Variants in PLCB1 observed in about 807,000 individuals in gnomAD.
PLCB1 encodes the protein phospholipase C beta 1.
A neutral mutation model predicts 161.8 loss-of-function variants in PLCB1; 46 were observed. The observed-to-expected ratio is 0.28, with a 90% confidence interval of 0.22 to 0.36. The LOEUF (loss-of-function observed/expected upper bound fraction) is 0.36, where lower values mean the gene tolerates loss of function less well. Among genes scored for constraint, PLCB1 ranks in the 10% least tolerant of loss-of-function variants. PLCB1 has a pLI of 1.00. For synonymous variants in PLCB1, 517 were observed against 503.7 expected (o/e 1.03, Z -0.35); for missense variants, 1,016 against 1,472.5 (o/e 0.69, Z 5.07).
intron 1 of PLCB1, among the ~76,000 whole-genome samples, chr20:8,138,345 A>C (rs117910204): frequency 0.011 from 1,741 of 152,348 alleles, 24 homozygotes; most frequent in Middle Eastern, 0.031. Flanking sequence ...ATGTTTCCTT[A>C]TCAGAATTGT....
rs567675450 is a variant in PLCB1, at chr20:8,841,253, C to A, written c.3424-40369C>A. 4.6e-5 allele frequency among the ~76,000 whole-genome samples: 7 copies of A among 152,280 alleles called. No individual in the cohort carries two copies. The South Asian group carries it at 1.5e-3, about 32-fold the overall frequency. ...TATAGAGAAATAGCCTGGTGTTATC[C>A]TACAAGACAATTTCCTTAAAATGTG... On this transcript the variant is annotated intron_variant, in intron 31 of 31. Transcript: ENST00000338037.
At chr20:8,399,038 G>A (rs79204969) in intron 3 of PLCB1, among the ~76,000 whole-genome samples, 1 of 147,842 alleles carries the variant, frequency 6.8e-6, no homozygotes, top group East Asian at 2.0e-4. Flanking sequence ...CAGTTAGTAA[G>A]TCTTTATTCA....
At chr20:8,656,402 T>C (rs1222683953) in intron 7 of PLCB1, among the ~76,000 whole-genome samples, 1 of 151,986 alleles carries the variant, frequency 6.6e-6, no homozygotes, top group East Asian at 1.9e-4. Context: ...TGTTCTTTTG[T>C]TTAAGGGCTT....
At chr20:8,554,148 A>G (rs1331977313) in intron 3 of PLCB1, among the ~76,000 whole-genome samples, 1 of 151,968 alleles carries the variant, frequency 6.6e-6, no homozygotes, top group Non-Finnish European at 1.5e-5. Context: ...ACTCTCATAC[A>G]GGGGTGATAT....
At chr20:8,417,329 A>G (rs746535434) in intron 3 of PLCB1, among the ~76,000 whole-genome samples, 3 of 151,230 alleles carry the variant, frequency 2.0e-5, no homozygotes, top group Non-Finnish European at 2.9e-5. Flanking sequence ...GTGTGTATAT[A>G]TTATGTATAC....
chr20:8,791,934 C>A (rs207477351), intron 31 of PLCB1, among the ~76,000 whole-genome samples: 1 of 152,250 alleles, frequency 6.6e-6, no homozygotes, highest in African/African-American at 2.4e-5. Context: ...TTACAATAAG[C>A]CCAATTAAAA....
At chr20:8,236,455 C>T (rs1980331487) in intron 2 of PLCB1, among the ~76,000 whole-genome samples, 1 of 151,964 alleles carries the variant, frequency 6.6e-6, no homozygotes, top group African/African-American at 2.4e-5. Flanking sequence ...ATCGCTTGAG[C>T]CCAGGAGTTT....
chr20:8,798,291 TAG>T (rs1984124806), intron 31 of PLCB1, among the ~76,000 whole-genome samples: 1 of 151,950 alleles, frequency 6.6e-6, no homozygotes, highest in South Asian at 2.1e-4. Flanking sequence ...TTACCAGAAA[TAG>T]AAAGTCCCCA....
chr20:8,368,049 C>T (rs1986774323), intron 2 of PLCB1, among the ~76,000 whole-genome samples: 1 of 152,144 alleles, frequency 6.6e-6, no homozygotes. Context: ...AACTACCCTT[C>T]CGTGGCTTGG....
chr20:8,629,812 C>CTTT, intron 4 of PLCB1, among the ~76,000 whole-genome samples: 1 of 78,616 alleles, frequency 1.3e-5, no homozygotes, highest in Non-Finnish European at 2.8e-5. Flanking sequence ...TCTTTCTTTT[C>CTTT]TTTCTTTTCT....
chr20:8,876,642 C>T (rs1987790286), intron 31 of PLCB1, among the ~76,000 whole-genome samples: 1 of 152,206 alleles, frequency 6.6e-6, no homozygotes, highest in Admixed American at 6.5e-5. Flanking sequence ...TGAACTGGTT[C>T]TGGTCTGGAC....
At chr20:8,808,917 GAAAT>G (rs1432059478) in intron 31 of PLCB1, among the ~76,000 whole-genome samples, 5 of 152,122 alleles carry the variant, frequency 3.3e-5, no homozygotes, top group African/African-American at 9.7e-5. Context: ...AACTTTCAAT[GAAAT>G]AAATTTATTC....
At position 8,668,416 on chromosome 20, in the gene PLCB1, T is replaced by C. The variant is rs1282685018; in HGVS notation, c.862+9712T>C. Among the ~76,000 whole-genome samples, 4 of 152,180 alleles carry C rather than the reference T, an allele frequency of 2.6e-5. No individual in the cohort carries two copies. The East Asian group carries it at 5.8e-4, about 22-fold the overall frequency. On this transcript the variant is annotated intron_variant, in intron 9 of 31. Coordinates refer to ENST00000338037, the MANE Select transcript of PLCB1 (RefSeq NM_015192.4). ...TAACAGGAGAGTTAATTGAGAATGATGGACAAAATCAAGCTTCTTACCTAA... is the reference window on the plus strand; with the variant it reads ...TAACAGGAGAGTTAATTGAGAATGACGGACAAAATCAAGCTTCTTACCTAA...
At chr20:8,797,093 A>G (rs1303360842) in intron 31 of PLCB1, among the ~76,000 whole-genome samples, 1 of 152,174 alleles carries the variant, frequency 6.6e-6, no homozygotes, top group Non-Finnish European at 1.5e-5. Flanking sequence ...TTCACTGGAT[A>G]TAAAATTTTG....
chr20:8,635,225 T>C (rs1315859511), intron 4 of PLCB1, among the ~76,000 whole-genome samples: 1 of 151,866 alleles, frequency 6.6e-6, no homozygotes, highest in African/African-American at 2.4e-5. Context: ...AGCTTAGTGC[T>C]TGGCTCAATA....
At chr20:8,638,057 G>A (rs977178896) in intron 4 of PLCB1, among the ~76,000 whole-genome samples, 7 of 151,990 alleles carry the variant, frequency 4.6e-5, no homozygotes, top group East Asian at 1.9e-4. Flanking sequence ...CACCATGCCC[G>A]GCTAATTTTT....
At chr20:8,358,804 A>ATGCT (rs1986447121) in intron 2 of PLCB1, among the ~76,000 whole-genome samples, 2 of 152,176 alleles carry the variant, frequency 1.3e-5, no homozygotes, top group Non-Finnish European at 2.9e-5. Context: ...TCTTGCCTTA[A>ATGCT]TGCTGTCTCT....
At chr20:8,846,456 G>C (rs1986695746) in intron 31 of PLCB1, among the ~76,000 whole-genome samples, 1 of 152,070 alleles carries the variant, frequency 6.6e-6, no homozygotes, top group Non-Finnish European at 1.5e-5. Context: ...ACTTTAATAT[G>C]CATGCTAATC....
chr20:8,428,740 C>T (rs927475137), intron 3 of PLCB1, among the ~76,000 whole-genome samples: 3 of 152,114 alleles, frequency 2.0e-5, no homozygotes, highest in South Asian at 2.1e-4. Context: ...TCACATCTCT[C>T]GGGGAAGCTG....
Sources: gnomAD v4.1 joint callset for allele counts (sites outside exome capture counted in the v4.1 genomes callset) on GRCh38, gnomAD v4.1.1 for gene constraint, MANE v1.5 for transcripts, NCBI Gene and HGNC (gene_info 2026-07-23, HGNC 2026-07-21) for gene names.